SYNE1: variants seen among roughly 807,000 people sequenced by gnomAD.
The protein encoded by SYNE1 is spectrin repeat containing nuclear envelope protein 1.
SYNE1 carries 616 observed loss-of-function variants against 1,111.0 expected under a neutral mutation model. That is an observed-to-expected ratio of 0.55 (90% CI 0.52 to 0.59). The LOEUF (loss-of-function observed/expected upper bound fraction) is 0.59. Ranked by LOEUF, SYNE1 falls within the 20% of genes least tolerant of loss-of-function variation. The probability of loss-of-function intolerance (pLI) is 0.00; values close to 1 mark genes in which losing one functional copy is unlikely to be tolerated. For missense variants in SYNE1, 10,006 were observed against 10,417.0 expected (o/e 0.96, Z 1.72); for synonymous variants, 3,855 against 3,825.8 (o/e 1.01, Z -0.28).
At chr6:152,435,910 G>A (rs1453445168) in intron 33 of SYNE1, 31 bp downstream of exon 33, 1 of 1,612,622 alleles carries the variant, frequency 6.2e-7, no homozygotes, top group Non-Finnish European at 8.5e-7. Context: ...TTATCTCAGA[G>A]AAGAAAGTTT....
At chr6:152,476,982 C>A (rs983567534) in intron 14 of SYNE1, among the ~76,000 whole-genome samples, 1 of 151,760 alleles carries the variant, frequency 6.6e-6, no homozygotes, top group Admixed American at 6.6e-5. Context: ...TGAGGCAGTT[C>A]AAAGAAACAA....
At chr6:152,310,108 T>A in intron 89 of SYNE1, 91 bp from the exon 90 acceptor site, 2 of 1,417,258 alleles carry the variant, frequency 1.4e-6, no homozygotes, top group Non-Finnish European at 1.9e-6. Flanking sequence ...CGTTGCAAGT[T>A]ATAAACATTT....
chr6:152,132,347 G>A, intron 143 of SYNE1, 133 bp from the exon 144 acceptor site: 2 of 807,156 alleles, frequency 2.5e-6, no homozygotes, highest in East Asian at 5.1e-5. Context: ...CCATTCCTTG[G>A]GGAAAATGGA....
At chr6:152,326,164 C>T in intron 79 of SYNE1, 62 bp from the exon 80 acceptor site, 1 of 1,613,398 alleles carries the variant, frequency 6.2e-7, no homozygotes, top group Non-Finnish European at 8.5e-7. Context: ...ACACGAAGCT[C>T]TGGTGTCAGT....
Position 152,330,383 on chromosome 6 carries a change from G to T in SYNE1, c.14302C>A (p.Gln4768Lys). The T allele has an allele frequency of 6.2e-6, 10 of 1,614,072 alleles. No homozygotes were observed. The highest frequency in any genetic ancestry group is 8.5e-6 in the Non-Finnish European group (10 of 1,180,030). ...LYHRLKRQTE[Q>K]RVSLLEDTTS... ...GTGTCTTCTAATAAGCTAACCCTCT[G>T]TTCTGTTTGTCGCTTCAGCCTGTGA... Residue 4768 changes from glutamine to lysine, a missense_variant, in exon 78 of 146, where the codon CAG (glutamine) becomes AAG (lysine). Coordinates refer to ENST00000367255, the MANE Select transcript of SYNE1 (RefSeq NM_182961.4).
chr6:152,577,183 T>C (rs2099500030), intron 3 of SYNE1, among the ~76,000 whole-genome samples: 1 of 152,192 alleles, frequency 6.6e-6, no homozygotes, highest in African/African-American at 2.4e-5. Flanking sequence ...ATTAGAAGTA[T>C]AATTAATGCA....
chr6:152,628,433 T>C lies in SYNE1; in HGVS notation c.-102A>G. 8.4e-7 allele frequency: 1 copy of C among 1,194,566 alleles called. No homozygotes were observed. Among genetic ancestry groups the C allele is most frequent in the East Asian group, 2.3e-5 (1 of 42,842 alleles). 74.0% of individuals were successfully genotyped at this position (1,194,566 alleles called of 1,614,324 possible). On this transcript the variant is annotated 5_prime_UTR_variant, in exon 3 of 146. Transcript: ENST00000367255. ...ACATGCTTGGACTTTTCTAGATCTA[T>C]TCTGTCATAAATGAATTCCAGGCCT...
intron 127 of SYNE1, among the ~76,000 whole-genome samples, chr6:152,198,390 T>A (rs1043842070): frequency 3.3e-5 from 5 of 152,320 alleles, no homozygotes; most frequent in Non-Finnish European, 4.4e-5. Flanking sequence ...ACTCAAAGTT[T>A]CTCTGTATCA....
chr6:152,161,022 A>G (rs1444232020), intron 131 of SYNE1, among the ~76,000 whole-genome samples: 1 of 151,724 alleles, frequency 6.6e-6, no homozygotes, highest in Non-Finnish European at 1.5e-5. Flanking sequence ...AAAAAGATAA[A>G]TATATGAAAA....
Position 152,456,556 on chromosome 6 carries a change from T to C in SYNE1, c.2569-512A>G. 1.2e-5 allele frequency: 3 copies of C among 243,218 alleles called. 1 individual carries two copies. Among genetic ancestry groups the C allele is most frequent in the Non-Finnish European group, 2.5e-5 (3 of 121,648 alleles). 15.1% of individuals were successfully genotyped at this position (243,218 alleles called of 1,614,324 possible). A position where few individuals can be genotyped will look rare whatever the true frequency, so the allele number is the denominator to read the frequency against. On this transcript the variant is annotated intron_variant, in intron 22 of 145. Coordinates refer to ENST00000367255, the MANE Select transcript of SYNE1 (RefSeq NM_182961.4). ...GAAGGTGTACAACCTATCAGCCTTA[T>C]TAATGAAATGGTAGGGTTCAGATCC...
At chr6:152,165,124 A>C (rs2063372242) in intron 130 of SYNE1, among the ~76,000 whole-genome samples, 1 of 147,850 alleles carries the variant, frequency 6.8e-6, no homozygotes, top group South Asian at 2.1e-4. Context: ...AGTGATTCTC[A>C]AGCTGGGATT....
intron 129 of SYNE1, among the ~76,000 whole-genome samples, chr6:152,179,153 G>A (rs1249159228): frequency 6.6e-6 from 1 of 152,002 alleles, no homozygotes; most frequent in Non-Finnish European, 1.5e-5. Flanking sequence ...GGCCTCTGGT[G>A]ATCTGCCTGT....
intron 3 of SYNE1, among the ~76,000 whole-genome samples, chr6:152,589,928 TTC>T (rs1159230490): frequency 1.7e-5 from 2 of 119,618 alleles, no homozygotes; most frequent in African/African-American, 7.1e-5. Context: ...CCCTAAACAT[TTC>T]TTTTTTTTTT....
In SYNE1 at chr6:152,604,944, C is replaced by CAAAG. The variant is rs1185668483; in HGVS notation, c.67+23317_67+23320dup. 1.2e-3 allele frequency among the ~76,000 whole-genome samples: 80 copies of CAAAG among 65,922 alleles called. 3 individuals are homozygous for CAAAG. Among genetic ancestry groups the CAAAG allele is most frequent in the East Asian group, 4.1e-3 (7 of 1,708 alleles). The allele number at this position is 65,922 out of a possible 152,430, so 43.2% of individuals were successfully genotyped here. Reference sequence around the variant, plus strand: ...ACTCAAACAGTGAGACCCTATCTCACAAAGAAAGAAAGAAAGAAAGAAAGA... The same window carrying CAAAG: ...ACTCAAACAGTGAGACCCTATCTCACAAAGAAAGAAAGAAAGAAAGAAAGAAAGA... On this transcript the variant is annotated intron_variant, in intron 3 of 145. Coordinates refer to ENST00000367255, the MANE Select transcript of SYNE1 (RefSeq NM_182961.4).
intron 15 of SYNE1, 52 bp downstream of exon 15, chr6:152,472,248 GT>G: frequency 7.1e-7 from 1 of 1,408,902 alleles, no homozygotes. Flanking sequence ...TATAAAAAGC[GT>G]CCACCTAGTG....
At position 152,242,298 on chromosome 6, in the gene SYNE1, T is replaced by G. The variant is rs1183979823; in HGVS notation, c.19835A>C (p.Asp6612Ala). The G allele has an allele frequency of 6.2e-7, 1 of 1,614,018 alleles. No homozygotes were observed. Among genetic ancestry groups the G allele is most frequent in the Non-Finnish European group, 8.5e-7 (1 of 1,180,032 alleles). ...LETGQEKMAG[D>A]QKIIVSSKEE... ...TTTGGAAGACACGATGATTTTCTGGTCTCCTGCCATCTTCTCCTGACCAGT... is the reference window on the plus strand; with the variant it reads ...TTTGGAAGACACGATGATTTTCTGGGCTCCTGCCATCTTCTCCTGACCAGT... The change falls in exon 107 of 146, where the codon GAC becomes GCC. Residue 6612 changes from aspartate to alanine, a missense_variant. Around this residue, in one of 7 missense-constraint regions of SYNE1, gnomAD observed 2,182 missense variants for 2,287.8 expected, o/e 0.95. Coordinates refer to ENST00000367255, the MANE Select transcript of SYNE1 (RefSeq NM_182961.4).
intron 16 of SYNE1, among the ~76,000 whole-genome samples, chr6:152,467,110 A>G (rs763459417): frequency 1.3e-5 from 2 of 152,110 alleles, no homozygotes; most frequent in Non-Finnish European, 2.9e-5. Flanking sequence ...TATCTATAAC[A>G]TATTTCATAT....
At chr6:152,527,774 G>T (rs1367777988) in intron 4 of SYNE1, among the ~76,000 whole-genome samples, 4 of 152,158 alleles carry the variant, frequency 2.6e-5, no homozygotes, top group East Asian at 1.9e-4. Flanking sequence ...AAATAATAAA[G>T]ATTTCAAGAA....
At chr6:152,156,352 G>C (rs1316215594) in intron 131 of SYNE1, among the ~76,000 whole-genome samples, 1 of 152,158 alleles carries the variant, frequency 6.6e-6, no homozygotes, top group African/African-American at 2.4e-5. Flanking sequence ...TACACTAAGA[G>C]TAAAACTAAC....
Sources: allele counts gnomAD v4.1 joint callset (sites outside exome capture counted in the v4.1 genomes callset), GRCh38; gene constraint gnomAD v4.1.1; regional missense constraint gnomAD v4.1.1; transcripts MANE v1.5; gene names NCBI Gene and HGNC (gene_info 2026-07-23, HGNC 2026-07-21).